Variants in AMZ1 observed in about 807,000 individuals in gnomAD.
AMZ1 encodes archaemetzincin-1.
A neutral mutation model predicts 29.9 loss-of-function variants in AMZ1; 39 were observed. The observed-to-expected ratio is 1.30, with a 90% CI of 1.01 to 1.70. The LOEUF (loss-of-function observed/expected upper bound fraction) is 1.70. Ranked by LOEUF, AMZ1 falls within the 40% of genes most tolerant of loss-of-function variation. AMZ1 has a pLI of 0.00. For missense variants in AMZ1, 1,041 were observed against 680.6 expected (o/e 1.53, Z -5.89); for synonymous variants, 458 against 304.0 (o/e 1.51, Z -5.27).
rs1482478889 is a variant in AMZ1 at position 2,718,105 on chromosome 7, A to ACCTACCAGATT, written c.*5230_*5240dup. 6.6e-6 allele frequency among the ~76,000 whole-genome samples: 1 copy of ACCTACCAGATT among 152,108 alleles called. No homozygotes were observed. Among genetic ancestry groups the ACCTACCAGATT allele is most frequent in the Non-Finnish European group, 1.5e-5 (1 of 68,006 alleles). ...TCTCGCAAGATTAACCAGAGACGAC[A>ACCTACCAGATT]CCTACCAGATTCCACCACTGAGGCC... On this transcript the variant is annotated 3_prime_UTR_variant, in exon 7 of 7. Transcript: ENST00000683327.
chr7:2,764,337 C>T (rs1186593412), upstream of AMZ1, among the ~76,000 whole-genome samples: 1 of 151,972 alleles, frequency 6.6e-6, no homozygotes, highest in East Asian at 1.9e-4. Flanking sequence ...CCCATCTCAG[C>T]CTCCCAAAGT....
At chr7:2,723,231 C>T (rs901210643), downstream of AMZ1, among the ~76,000 whole-genome samples, 8 of 152,208 alleles carry the variant, frequency 5.3e-5, no homozygotes, top group Admixed American at 2.0e-4. Context: ...CTGCTGCAGA[C>T]GCGTGCTCAG....
chr7:2,748,913 CTCA>C (rs1384773717), intron 4 of AMZ1, among the ~76,000 whole-genome samples: 12 of 152,198 alleles, frequency 7.9e-5, no homozygotes, highest in Admixed American at 2.0e-4. Flanking sequence ...TGAAAAAATG[CTCA>C]TCATCACTGG....
intron 3 of AMZ1, among the ~76,000 whole-genome samples, chr7:2,705,414 A>T (rs1361353000): frequency 2.0e-5 from 3 of 152,154 alleles, no homozygotes; most frequent in Non-Finnish European, 4.4e-5. Flanking sequence ...AGTAAAATTC[A>T]TCCTTTTTAG....
In AMZ1 at chr7:2,712,194, C is replaced by A. The variant is rs926436112; in HGVS notation, c.949-136C>A. 3.0e-5 allele frequency: 28 copies of A among 944,312 alleles called. No homozygotes were observed. In the African/African-American group the frequency reaches 4.5e-4, roughly 15 times the overall value. The allele number at this position is 944,312 out of a possible 1,614,324, so 58.5% of individuals were successfully genotyped here. A position where few individuals can be genotyped will look rare whatever the true frequency, so the allele number is the denominator to read the frequency against. On this transcript the variant is annotated intron_variant, in intron 6 of 6. Coordinates refer to ENST00000683327, the MANE Select transcript of AMZ1 (RefSeq NM_001384743.1). ...AAAGGGTGCTGGTCACAAGAGCCCTCACACCACCAGCCTGACTCCCGCCCC... is the reference window on the plus strand; with the variant it reads ...AAAGGGTGCTGGTCACAAGAGCCCTAACACCACCAGCCTGACTCCCGCCCC...
At chr7:2,754,075 T>C (rs75751880) in intron 4 of AMZ1, among the ~76,000 whole-genome samples, 3,654 of 152,328 alleles carry the variant, frequency 0.024, 102 homozygotes, top group Middle Eastern at 0.075. Flanking sequence ...TGTACCCTTT[T>C]ACCTCCCCAC....
intron 4 of AMZ1, among the ~76,000 whole-genome samples, chr7:2,724,803 C>T (rs896268625): frequency 9.2e-5 from 14 of 152,318 alleles, no homozygotes; most frequent in African/African-American, 2.9e-4. Flanking sequence ...TCACCGTCAG[C>T]CACGTGCCGA....
chr7:2,707,825 T>C (rs1268029208), intron 3 of AMZ1, among the ~76,000 whole-genome samples: 2 of 138,150 alleles, frequency 1.4e-5, no homozygotes, highest in African/African-American at 2.8e-5. Context: ...GGGCTTTTTT[T>C]TTTTTTTTTT....
chr7:2,709,848 G>A, intron 6 of AMZ1, 32 bp downstream of exon 6: 5 of 1,606,390 alleles, frequency 3.1e-6, no homozygotes, highest in Non-Finnish European at 4.2e-6. Flanking sequence ...CCCGGCTGCT[G>A]GGACCTGCGC....
intron 4 of AMZ1, among the ~76,000 whole-genome samples, chr7:2,745,383 T>G (rs374064762): frequency 2.2e-4 from 33 of 152,086 alleles, no homozygotes; most frequent in Admixed American, 4.6e-4. Flanking sequence ...TTAAAGAAAA[T>G]AATTTTCAAC....
chr7:2,696,333 T>C (rs569148997), intron 1 of AMZ1, among the ~76,000 whole-genome samples: 3 of 147,770 alleles, frequency 2.0e-5, no homozygotes, highest in Non-Finnish European at 4.5e-5. Context: ...CTTGGCTCAC[T>C]GCAAGCTCCG....
Position 2,707,885 on chromosome 7 carries a change from G to A in AMZ1, c.473-703G>A, listed in dbSNP as rs530054760. Among the ~76,000 whole-genome samples the A allele has an allele frequency of 1.8e-4, 26 of 147,724 alleles. 1 individual carries two copies. The highest frequency in any genetic ancestry group is 1.7e-3 in the South Asian group (8 of 4,678). On this transcript the variant is annotated intron_variant, in intron 3 of 6. Transcript: ENST00000683327. Reference sequence around the variant, plus strand: ...GTTGCCCAGGCTAGAGGGCAGTGGCGTGATGTCAGCTCATTGCCACCTCTA... The same window carrying A: ...GTTGCCCAGGCTAGAGGGCAGTGGCATGATGTCAGCTCATTGCCACCTCTA...
chr7:2,762,136 A>G (rs1348381400), upstream of AMZ1: 1 of 154,030 alleles, frequency 6.5e-6, no homozygotes, highest in Non-Finnish European at 1.4e-5. Context: ...AAGACATGCC[A>G]AAAATACTGA....
chr7:2,741,350 G>C (rs1262049158), intron 4 of AMZ1, among the ~76,000 whole-genome samples: 1 of 152,100 alleles, frequency 6.6e-6, no homozygotes, highest in Non-Finnish European at 1.5e-5. Flanking sequence ...GTGAGACACT[G>C]TCTCTTAAAA....
At chr7:2,753,014 CCTT>C (rs1415379194) in intron 4 of AMZ1, among the ~76,000 whole-genome samples, 3 of 152,240 alleles carry the variant, frequency 2.0e-5, no homozygotes, top group African/African-American at 4.8e-5. Flanking sequence ...CAGCCATCCT[CCTT>C]CTTCCACCAT....
At chr7:2,721,729 A>AAGAT (rs1220150106), downstream of AMZ1, among the ~76,000 whole-genome samples, 5 of 151,820 alleles carry the variant, frequency 3.3e-5, no homozygotes, top group East Asian at 3.9e-4. Context: ...AAAAAAAAAA[A>AAGAT]AGATAGCGGC....
chr7:2,749,703 A>G (rs973964434), intron 4 of AMZ1, among the ~76,000 whole-genome samples: 1 of 152,156 alleles, frequency 6.6e-6, no homozygotes, highest in Non-Finnish European at 1.5e-5. Flanking sequence ...CAGATACACA[A>G]AAAACATAGT....
At chr7:2,753,973 T>C (rs139493913) in intron 4 of AMZ1, among the ~76,000 whole-genome samples, 2 of 152,144 alleles carry the variant, frequency 1.3e-5, no homozygotes, top group Non-Finnish European at 2.9e-5. Flanking sequence ...CTTAGGTGCT[T>C]TGTTCACTTG....
At chr7:2,740,516 G>A (rs940094323) in intron 4 of AMZ1, among the ~76,000 whole-genome samples, 2 of 152,174 alleles carry the variant, frequency 1.3e-5, no homozygotes, top group Non-Finnish European at 2.9e-5. Flanking sequence ...CTCCAGAGCT[G>A]TGAGAAAATT....
Sources: gnomAD v4.1 joint callset for allele counts (sites outside exome capture counted in the v4.1 genomes callset) on GRCh38, gnomAD v4.1.1 for gene constraint, MANE v1.5 for transcripts, NCBI Gene and HGNC (gene_info 2026-07-23, HGNC 2026-07-21) for gene names.